Variants in ASAP2 observed in about 807,000 individuals in gnomAD.
The protein encoded by ASAP2 is ArfGAP with SH3 domain, ankyrin repeat and PH domain 2, also known as arf-GAP with SH3 domain, ANK repeat and PH domain-containing protein 2.
Under a neutral mutation model 131.4 loss-of-function variants are expected in ASAP2, and 45 were observed. The observed-to-expected ratio is 0.34, with a 90% CI of 0.27 to 0.44. The LOEUF (loss-of-function observed/expected upper bound fraction) is 0.44, where lower values mean the gene tolerates loss of function less well. ASAP2 is among the 20% of genes least tolerant of loss of function. The pLI, the probability that ASAP2 is intolerant of heterozygous loss-of-function variation, is 1.00. For missense variants in ASAP2, 1,011 were observed against 1,297.0 expected, an observed-to-expected ratio of 0.78 and a Z score of 3.39; for synonymous variants, 510 against 503.0, an observed-to-expected ratio of 1.01 and a Z score of -0.19.
At chr2:9,209,627 T>C (rs1425189048) in intron 1 of ASAP2, among the ~76,000 whole-genome samples, 2 of 152,264 alleles carry the variant, frequency 1.3e-5, no homozygotes, top group African/African-American at 2.4e-5. Context: ...TGGAGTGCAA[T>C]GGCACAATCT....
chr2:9,226,319 T>C (rs1010271534), intron 1 of ASAP2, among the ~76,000 whole-genome samples: 1 of 152,242 alleles, frequency 6.6e-6, no homozygotes, highest in African/African-American at 2.4e-5. Context: ...GCACACTGTA[T>C]GGCTGTGTAC....
Position 9,379,058 on chromosome 2 carries a change from A to G in ASAP2, c.1947A>G (p.Ile649Met). Residue 649 changes from isoleucine to methionine, a missense_variant and splice_region_variant, in exon 19 of 28, where the codon ATA (isoleucine) becomes ATG (methionine). Physicochemically the swap from Ile to Met is conservative, Grantham distance 10 (BLOSUM62 1). Coordinates refer to ENST00000281419, the MANE Select transcript of ASAP2 (RefSeq NM_003887.3). ...TGCGGGGGAAGGCCTCCATCGAGAT[A>G]GGTGAGTGGGCCCGGGCCCCGGGGG... ...LLLRGKASIE[I>M]ANESGETPLD... The G allele has an allele frequency of 1.3e-6, 2 of 1,546,786 alleles. No individual in the cohort carries two copies. Among genetic ancestry groups the G allele is most frequent in the Non-Finnish European group, 1.7e-6 (2 of 1,145,760 alleles).
chr2:9,314,759 C>A (rs1201990980), intron 3 of ASAP2, among the ~76,000 whole-genome samples: 4 of 151,848 alleles, frequency 2.6e-5, no homozygotes, highest in African/African-American at 9.7e-5. Context: ...CATGGTGAAA[C>A]CCCGTCTCTA....
In ASAP2 at chr2:9,281,360, G is replaced by A. The variant is rs1667117979; in HGVS notation, c.199+1971G>A. Among the ~76,000 whole-genome samples, 1 of 152,202 alleles carries A rather than the reference G, an allele frequency of 6.6e-6. No homozygotes were observed. ...GTGTGACTCCCAAGGCTGGCCCAGT[G>A]GCTGGCAGTACAGCTTATAAACAGC... On this transcript the variant is annotated intron_variant, in intron 2 of 27. Transcript: ENST00000281419. The surrounding 1 kb of genome is among the most constrained non-coding windows in gnomAD (Gnocchi z 4.0).
At chr2:9,319,436 C>T (rs563236465) in intron 4 of ASAP2, among the ~76,000 whole-genome samples, 6 of 152,328 alleles carry the variant, frequency 3.9e-5, no homozygotes, top group East Asian at 1.9e-4. Flanking sequence ...CATTCCCCAT[C>T]GAGCCTTCAG....
chr2:9,225,146 A>G (rs954148442), intron 1 of ASAP2, among the ~76,000 whole-genome samples: 4 of 152,220 alleles, frequency 2.6e-5, no homozygotes, highest in African/African-American at 9.6e-5. Flanking sequence ...ACAAAATCCC[A>G]GAAGAAGATG....
chr2:9,379,441 G>C (rs576918160), intron 19 of ASAP2, among the ~76,000 whole-genome samples: 7 of 152,228 alleles, frequency 4.6e-5, no homozygotes, highest in Admixed American at 3.3e-4. Context: ...TCTGGGTTTA[G>C]ACGGATTACA....
chr2:9,342,805 A>G (rs1012615229), intron 9 of ASAP2, among the ~76,000 whole-genome samples: 2 of 152,192 alleles, frequency 1.3e-5, no homozygotes, highest in African/African-American at 4.8e-5. Flanking sequence ...CAGATGCAGT[A>G]TTTGTCTAGC....
intron 1 of ASAP2, among the ~76,000 whole-genome samples, chr2:9,256,684 C>T (rs1168168884): frequency 1.3e-5 from 2 of 152,208 alleles, no homozygotes; most frequent in African/African-American, 2.4e-5. Flanking sequence ...CACTGGCATC[C>T]AACTGCCAAT....
chr2:9,327,709 C>G (rs1447796770), intron 6 of ASAP2, 117 bp from the exon 7 acceptor site: 1 of 697,446 alleles, frequency 1.4e-6, no homozygotes, highest in Non-Finnish European at 2.4e-6. Flanking sequence ...CGATCATGCA[C>G]TCTACGCATT....
chr2:9,272,612 A>G (rs369713021), intron 1 of ASAP2, among the ~76,000 whole-genome samples: 2 of 152,252 alleles, frequency 1.3e-5, no homozygotes, highest in East Asian at 3.9e-4. Flanking sequence ...CTTGTGGGGC[A>G]TTACTCAAGA....
At chr2:9,302,169 C>CTTTTTTT (rs57906310) in intron 3 of ASAP2, among the ~76,000 whole-genome samples, 34 of 82,916 alleles carry the variant, frequency 4.1e-4, no homozygotes, top group African/African-American at 1.5e-3. Flanking sequence ...AGTTAGAAGC[C>CTTTTTTT]TTTTTTTTTT....
At chr2:9,269,080 T>C (rs1666155806) in intron 1 of ASAP2, among the ~76,000 whole-genome samples, 1 of 152,082 alleles carries the variant, frequency 6.6e-6, no homozygotes, top group Non-Finnish European at 1.5e-5. Context: ...GGGCCAGAGA[T>C]AGTAAATATT....
chr2:9,273,711 T>TG (rs1471612531), intron 1 of ASAP2, among the ~76,000 whole-genome samples: 1 of 152,030 alleles, frequency 6.6e-6, no homozygotes. Context: ...AGTTCCTGGG[T>TG]GGGGGCCACA....
At chr2:9,317,391 CA>C (rs1669802408) in intron 3 of ASAP2, among the ~76,000 whole-genome samples, 1 of 151,228 alleles carries the variant, frequency 6.6e-6, no homozygotes, top group Non-Finnish European at 1.5e-5. Flanking sequence ...CATCCACACA[CA>C]CACCCTCAAA....
chr2:9,319,826 C>G (rs1320900454), intron 4 of ASAP2, among the ~76,000 whole-genome samples: 2 of 152,092 alleles, frequency 1.3e-5, no homozygotes, highest in African/African-American at 4.8e-5. Flanking sequence ...GTAAGAGACC[C>G]TAGGAGGATG....
At chr2:9,259,120 C>T (rs1665394408) in intron 1 of ASAP2, among the ~76,000 whole-genome samples, 1 of 152,250 alleles carries the variant, frequency 6.6e-6, no homozygotes, top group Non-Finnish European at 1.5e-5. Context: ...CCCTTACTTG[C>T]TGCTGCCCAG....
At chr2:9,242,911 T>C (rs866126490) in intron 1 of ASAP2, among the ~76,000 whole-genome samples, 2 of 152,170 alleles carry the variant, frequency 1.3e-5, no homozygotes, top group South Asian at 4.1e-4. Flanking sequence ...TTGATATAAC[T>C]GAGGCCCAGT....
intron 18 of ASAP2, among the ~76,000 whole-genome samples, chr2:9,377,437 TG>T (rs1287359153): frequency 6.6e-6 from 1 of 152,234 alleles, no homozygotes; most frequent in Non-Finnish European, 1.5e-5. Context: ...CACTGGATTA[TG>T]GGTGTTTTGT....
Sources: gnomAD v4.1 joint callset for allele counts (sites outside exome capture counted in the v4.1 genomes callset) on GRCh38, gnomAD v4.1.1 for gene constraint, Gnocchi (gnomAD v3.1) non-coding constraint, MANE v1.5 for transcripts, NCBI Gene and HGNC (gene_info 2026-07-23, HGNC 2026-07-21) for gene names.